The following ERI2 variants were observed in gnomAD, a reference collection of about 807,000 sequenced individuals.
ERI2 encodes the protein ERI1 exoribonuclease family member 2.
In ERI2, 35 loss-of-function variants were observed where a neutral mutation model predicts 46.8. The ratio of observed to expected loss-of-function variants is 0.75; its 90% confidence interval spans 0.57 to 0.99. ERI2 has a LOEUF of 0.99. Among genes scored for constraint, ERI2 ranks in the 50% least tolerant of loss-of-function variants. The pLI is 0.00. For synonymous variants in ERI2, 224 were observed against 271.0 expected (o/e 0.83, Z 1.70); for missense variants, 695 against 796.2 (o/e 0.87, Z 1.53).
chr16:20,797,782 C>G lies in ERI2; in HGVS notation c.2018G>C (p.Arg673Thr). 1 of 1,550,406 alleles carries G rather than the reference C, an allele frequency of 6.4e-7. No homozygotes were observed. The highest frequency in any genetic ancestry group is 8.7e-7 in the Non-Finnish European group (1 of 1,146,602). The change falls in exon 9 of 9, where the codon AGA becomes ACA. Residue 673 changes from arginine to threonine, a missense_variant. Physicochemically the swap from Arg to Thr is moderately conservative, Grantham distance 71 (BLOSUM62 -1). Coordinates refer to ENST00000357967, the MANE Select transcript of ERI2 (RefSeq NM_001142725.2). Reference sequence around the variant, plus strand: ...ATTTTTGGTGGAAATACTTAAATTTCTGTCACAAATATGGCTTGTTTCTGG... The same window carrying G: ...ATTTTTGGTGGAAATACTTAAATTTGTGTCACAAATATGGCTTGTTTCTGG... Reference protein sequence around the residue: ...SSPETSHICDRNLSISTKNSL... With the variant: ...SSPETSHICDTNLSISTKNSL...
At chr16:20,801,435 A>C in intron 4 of ERI2, 76 bp from the exon 5 acceptor site, 1 of 1,427,524 alleles carries the variant, frequency 7.0e-7, no homozygotes, top group Non-Finnish European at 9.4e-7. Flanking sequence ...AACTGTGGAG[A>C]AAGATTAATG....
rs2080328361 is a variant in ERI2, at chr16:20,780,484, G to A, written c.*158C>T. On this transcript the variant is annotated 3_prime_UTR_variant, in exon 11 of 11. Transcript: ENST00000300005. ...TCTTTATCATAGAATAAAAAGCTAGGAAAGCAGCTATTATAAATGGGCCTT... is the reference window on the plus strand; with the variant it reads ...TCTTTATCATAGAATAAAAAGCTAGAAAAGCAGCTATTATAAATGGGCCTT... 2.6e-5 allele frequency: 20 copies of A among 779,058 alleles called. No homozygotes were observed. The South Asian group carries it at 3.7e-4, about 14-fold the overall frequency. The allele number at this position is 779,058 out of a possible 1,614,324, so 48.3% of individuals were successfully genotyped here. A position where few individuals can be genotyped will look rare whatever the true frequency, so the allele number is the denominator to read the frequency against.
downstream of ERI2, chr16:20,792,480 C>T: frequency 6.7e-7 from 1 of 1,491,090 alleles, no homozygotes; most frequent in Non-Finnish European, 8.9e-7. Flanking sequence ...TCAGAAAGAA[C>T]TGCTACAAAA....
At position 20,798,455 on chromosome 16, in the gene ERI2, C is replaced by T. The variant is rs1250887797; in HGVS notation, c.1345G>A (p.Glu449Lys). The change falls in exon 9 of 9, where the codon GAA becomes AAA. Residue 449 changes from glutamate (E) to lysine (K), a missense_variant. Glu to Lys is a moderately conservative substitution (Grantham distance 56). Coordinates refer to ENST00000357967, the MANE Select transcript of ERI2 (RefSeq NM_001142725.2). ...TTTTCATGACTTGACATTTCCAATTCTTTCAAAACCATTAATCTTTCTCCA... is the reference window on the plus strand; with the variant it reads ...TTTTCATGACTTGACATTTCCAATTTTTTCAAAACCATTAATCTTTCTCCA... ...NSGERLMVLK[E>K]LEMSSHENFG... The T allele has an allele frequency of 5.8e-6, 9 of 1,551,030 alleles. No homozygotes were observed. The highest frequency in any genetic ancestry group is 7.8e-6 in the Non-Finnish European group (9 of 1,146,818).
In ERI2 at chr16:20,790,671, C is replaced by T; in HGVS notation, c.815+179G>A. The T allele has an allele frequency of 6.2e-7, 1 of 1,614,056 alleles. No individual in the cohort carries two copies. The highest frequency in any genetic ancestry group is 8.5e-7 in the Non-Finnish European group (1 of 1,179,990). ...AGTTCTACCCAACCGACCATTTGGC[C>T]TTTTTACTCATTACGTAGTAAGTGA... On this transcript the variant is annotated intron_variant, in intron 9 of 10. Coordinates refer to the ERI2 transcript ENST00000300005. This position sits in a 1 kb window ranked among gnomAD's most constrained non-coding sequence, Gnocchi z 4.0.
downstream of ERI2, chr16:20,791,927 G>GAA (rs79083383): frequency 9.4e-4 from 1,199 of 1,279,414 alleles, no homozygotes; most frequent in Non-Finnish European, 9.9e-4. Flanking sequence ...GACTGTCTCG[G>GAA]AAAAAAAAAA....
chr16:20,787,479 A>T (rs868117340), intron 10 of ERI2, among the ~76,000 whole-genome samples: 1 of 152,208 alleles, frequency 6.6e-6, no homozygotes, highest in Non-Finnish European at 1.5e-5. Flanking sequence ...CATCATATGG[A>T]TATCTGTTAA....
At chr16:20,801,403 A>G (rs543895174) in intron 4 of ERI2, 44 bp from the exon 5 acceptor site, 18 of 1,533,676 alleles carry the variant, frequency 1.2e-5, no homozygotes, top group Non-Finnish European at 1.2e-5. Flanking sequence ...ATCAAATTCC[A>G]TTATTATTTA....
chr16:20,783,496 T>G (rs1421747855), intron 10 of ERI2: 1 of 152,216 alleles, frequency 6.6e-6, no homozygotes, highest in Non-Finnish European at 1.5e-5. Context: ...ATGTTGGTAC[T>G]AAAAAAGTTT....
chr16:20,800,437 T>C, intron 5 of ERI2, 35 bp from the exon 6 acceptor site: 1 of 1,327,336 alleles, frequency 7.5e-7, no homozygotes, highest in Non-Finnish European at 1.1e-6. Flanking sequence ...ACAAAGTCAA[T>C]GATGCCAGCA....
chr16:20,781,905 T>G, intron 10 of ERI2: 1 of 716,932 alleles, frequency 1.4e-6, no homozygotes, highest in South Asian at 1.7e-5. Context: ...GATTTAGCAA[T>G]CTCTCCTCTT....
intron 1 of ERI2, chr16:20,805,620 A>G (rs1362859722): frequency 6.5e-6 from 1 of 153,076 alleles, no homozygotes; most frequent in Non-Finnish European, 1.5e-5. Flanking sequence ...AGCTCCCACA[A>G]TTTAGCCTAA....
intron 10 of ERI2, chr16:20,781,916 C>T: frequency 1.5e-6 from 1 of 663,772 alleles, no homozygotes; most frequent in Admixed American, 2.8e-5. Flanking sequence ...CTCTCCTCTT[C>T]CTCTTTCTCC....
chr16:20,802,761 A>C, intron 4 of ERI2, 35 bp downstream of exon 4: 1 of 1,576,760 alleles, frequency 6.3e-7, no homozygotes, highest in Non-Finnish European at 8.6e-7. Context: ...TTTCTTTTTG[A>C]AACTGACTTC....
rs1271878362 is a variant in ERI2 at position 20,790,530 on chromosome 16, T to G, written c.815+320A>C. 2 of 1,502,424 alleles carry G rather than the reference T, an allele frequency of 1.3e-6. No individual in the cohort carries two copies. 93.1% of individuals were successfully genotyped at this position (1,502,424 alleles called of 1,614,324 possible). ...AAAATAAAACTTGCAAAGTTAATAT[T>G]TAAGCTGCGACATTAAACAAAAATT... On this transcript the variant is annotated intron_variant, in intron 9 of 10. Transcript: ENST00000300005. The surrounding 1 kb of genome is among the most constrained non-coding windows in gnomAD (Gnocchi z 4.0).
rs768585648 is a variant in ERI2 at position 20,798,654 on chromosome 16, G to GTTCCAA, written c.1145_1146insTTGGAA (p.Thr382_Thr383insTrpAsn). 4 of 1,551,492 alleles carry GTTCCAA rather than the reference G, an allele frequency of 2.6e-6. No individual in the cohort carries two copies. The highest frequency in any genetic ancestry group is 3.5e-6 in the Non-Finnish European group (4 of 1,146,930). ...AAACATGATGAACAGTTGGAACGGT[G>GTTCCAA]GTAGAAACAAGTACCAATTCTGAAC... On this transcript the variant is annotated inframe_insertion, in exon 9 of 9. Coordinates refer to ENST00000357967, the MANE Select transcript of ERI2 (RefSeq NM_001142725.2).
At position 20,797,065 on chromosome 16, in the gene ERI2, G is replaced by A. The variant is rs879199513; in HGVS notation, c.*659C>T. The A allele has an allele frequency of 6.7e-7, 1 of 1,493,034 alleles. No individual in the cohort carries two copies. Among genetic ancestry groups the A allele is most frequent in the South Asian group, 1.4e-5 (1 of 70,510 alleles). The allele number at this position is 1,493,034 out of a possible 1,614,324, so 92.5% of individuals were successfully genotyped here. A position where few individuals can be genotyped will look rare whatever the true frequency, so the allele number is the denominator to read the frequency against. ...ATGATGGAGAGGTCATAAAAACTGT[G>A]GTAGTATGCTTAGAAACTGTTGATT... On this transcript the variant is annotated 3_prime_UTR_variant, in exon 9 of 9. Coordinates refer to ENST00000357967, the MANE Select transcript of ERI2 (RefSeq NM_001142725.2).
intron 10 of ERI2, among the ~76,000 whole-genome samples, chr16:20,786,826 A>T (rs1302172046): frequency 6.6e-6 from 1 of 152,234 alleles, no homozygotes; most frequent in Admixed American, 6.5e-5. Flanking sequence ...TAGAGTTGGG[A>T]TTCAATCCCA....
Position 20,797,145 on chromosome 16 carries a change from G to T in ERI2, c.*579C>A. The T allele has an allele frequency of 7.4e-7, 1 of 1,353,794 alleles. No homozygotes were observed. Among genetic ancestry groups the T allele is most frequent in the Non-Finnish European group, 9.5e-7 (1 of 1,055,588 alleles). The allele number at this position is 1,353,794 out of a possible 1,614,324, so 83.9% of individuals were successfully genotyped here. A position where few individuals can be genotyped will look rare whatever the true frequency, so the allele number is the denominator to read the frequency against. On this transcript the variant is annotated 3_prime_UTR_variant, in exon 9 of 9. Transcript: ENST00000357967. ...GCTAAATTTTGAAATAAAATATTTG[G>T]CAAATTCCTCCACATTAGTGTCAAT...
Sources: gnomAD v4.1 joint callset for allele counts (sites outside exome capture counted in the v4.1 genomes callset) on GRCh38, gnomAD v4.1.1 for gene constraint, Gnocchi (gnomAD v3.1) non-coding constraint, MANE v1.5 for transcripts, NCBI Gene and HGNC (gene_info 2026-07-23, HGNC 2026-07-21) for gene names.